MZT2A: variants seen among roughly 807,000 people sequenced by gnomAD.
MZT2A encodes mitotic spindle organizing protein 2A, also known as mitotic-spindle organizing protein 2A.
MZT2A carries 8 observed loss-of-function variants against 12.4 expected under a neutral mutation model. The ratio of observed to expected loss-of-function variants is 0.64; its 90% confidence interval spans 0.38 to 1.16. The LOEUF (loss-of-function observed/expected upper bound fraction) is 1.16, where lower values mean the gene tolerates loss of function less well. Ranked by LOEUF, MZT2A falls within the 50% of genes most tolerant of loss-of-function variation. The probability of loss-of-function intolerance (pLI) is 0.01; values close to 1 mark genes in which losing one functional copy is unlikely to be tolerated. For synonymous variants in MZT2A, 88 were observed against 107.5 expected (o/e 0.82, Z 1.12); for missense variants, 181 against 223.6 (o/e 0.81, Z 1.22).
intron 2 of MZT2A, among the ~76,000 whole-genome samples, chr2:131,477,894 C>A (rs2621998): frequency 5.9e-5 from 9 of 152,300 alleles, no homozygotes; most frequent in African/African-American, 2.2e-4. Flanking sequence ...ATTGACATTA[C>A]ATGGCTTCCA....
chr2:131,476,176 T>C (rs560677143), intron 2 of MZT2A: 2 of 1,613,892 alleles, frequency 1.2e-6, no homozygotes, highest in African/African-American at 2.7e-5. Context: ...GCAGTAGCGT[T>C]GGGCTGAAGC....
chr2:131,485,166 T>C (rs879288186), intron 2 of MZT2A, among the ~76,000 whole-genome samples: 21 of 152,176 alleles, frequency 1.4e-4, no homozygotes, highest in Admixed American at 5.2e-4. Flanking sequence ...CCGTGGGCTC[T>C]AAACAGGGCG....
At chr2:131,490,107 C>T (rs1425087933) in intron 2 of MZT2A, 4 of 728,522 alleles carry the variant, frequency 5.5e-6, no homozygotes, top group Non-Finnish European at 6.7e-6. Flanking sequence ...AGTGAGGTGG[C>T]CGCTGTCAGG....
At position 131,484,030 on chromosome 2, in the gene MZT2A, G is replaced by C. The variant is rs1263720230; in HGVS notation, c.*31C>G. On this transcript the variant is annotated 3_prime_UTR_variant, in exon 3 of 3. Transcript: ENST00000309451. ...GGAGGTAACATGTAGCCTTTGCTGG[G>C]GACAAAGATGTGACAAGTCTCTGCC... The C allele has an allele frequency of 6.3e-7, 1 of 1,581,772 alleles. No individual in the cohort carries two copies. The highest frequency in any genetic ancestry group is 8.6e-7 in the Non-Finnish European group (1 of 1,158,544).
intron 2 of MZT2A, among the ~76,000 whole-genome samples, chr2:131,487,186 A>G (rs1259962233): frequency 6.6e-6 from 1 of 152,150 alleles, no homozygotes; most frequent in African/African-American, 2.4e-5. Context: ...AATGTTAAAA[A>G]CAGCCTGGCT....
upstream of MZT2A, chr2:131,493,076 GT>G: frequency 2.0e-6 from 3 of 1,495,784 alleles, no homozygotes; most frequent in Non-Finnish European, 2.7e-6. Flanking sequence ...TGATGACGAC[GT>G]TTTGGCGCGG....
At position 131,491,952 on chromosome 2, in the gene MZT2A, G is replaced by C; in HGVS notation, c.243C>G (p.Ala81=). The C allele has an allele frequency of 1.9e-6, 3 of 1,543,542 alleles. No homozygotes were observed. Among genetic ancestry groups the C allele is most frequent in the Non-Finnish European group, 2.6e-6 (3 of 1,142,304 alleles). The change falls in exon 2 of 3, where the codon GCC becomes GCG. Residue 81 remains alanine, a synonymous_variant. Coordinates refer to ENST00000309451, the MANE Select transcript of MZT2A (RefSeq NM_001085365.2). Reference sequence around the variant, plus strand: ...GGGGCTCGCTCGCTAGCCTCTGCCCGGCACACATGGACTTGAGCATCTGGA... The same window carrying C: ...GGGGCTCGCTCGCTAGCCTCTGCCCCGCACACATGGACTTGAGCATCTGGA... The part of the protein sequence containing the change: ...AVFQMLKSMC[A]GQRLASEPQD...
chr2:131,493,339 C>A (rs2104747037), upstream of MZT2A, among the ~76,000 whole-genome samples: 1 of 152,336 alleles, frequency 6.6e-6, no homozygotes, highest in South Asian at 2.1e-4. Flanking sequence ...CTTTGTGCCA[C>A]CTTCCCGCGC....
rs769863769 is a variant in MZT2A at position 131,476,227 on chromosome 2, C to T, written c.279-4045G>A. On this transcript the variant is annotated intron_variant and NMD_transcript_variant, in intron 2 of 4. Transcript: ENST00000427024. The stretch of plus-strand genomic sequence containing the variant: ...GGTAAGGCCCGGGTCACTCCCGCCC[C>T]GCAGATGCCCAGGCAGACGAAGTTG... 10 of 1,613,780 alleles carry T rather than the reference C, an allele frequency of 6.2e-6. No homozygotes were observed. In the East Asian group the frequency reaches 2.0e-4, roughly 32 times the overall value.
chr2:131,474,454 G>T (rs1391828934), intron 2 of MZT2A, among the ~76,000 whole-genome samples: 1 of 134,334 alleles, frequency 7.4e-6, no homozygotes, highest in Non-Finnish European at 1.5e-5. Context: ...CTATTGCCCA[G>T]GCTGGAGTGC....
chr2:131,472,975 G>A (rs1274549046), intron 2 of MZT2A, among the ~76,000 whole-genome samples: 1 of 151,726 alleles, frequency 6.6e-6, no homozygotes, highest in Non-Finnish European at 1.5e-5. Context: ...TTGGGGACAG[G>A]GCCTATAAGG....
intron 2 of MZT2A, 108 bp from the exon 3 acceptor site, chr2:131,484,326 A>C: frequency 6.6e-7 from 1 of 1,506,366 alleles, no homozygotes; most frequent in Non-Finnish European, 8.9e-7. Context: ...ATTTCCATCA[A>C]AGTCGCTTCA....
chr2:131,493,030 C>G (rs912739527), upstream of MZT2A: 2 of 1,484,632 alleles, frequency 1.3e-6, no homozygotes, highest in Non-Finnish European at 1.8e-6. Context: ...AAGCGCTTTT[C>G]CCGCCCGGCC....
At chr2:131,480,656 G>T (rs751673890), downstream of MZT2A, 1 of 1,613,812 alleles carries the variant, frequency 6.2e-7, no homozygotes, top group African/African-American at 1.3e-5. Flanking sequence ...TGTACAGGGG[G>T]GACGTGGTCC....
downstream of MZT2A, chr2:131,480,687 A>G (rs2104725925): frequency 6.2e-7 from 1 of 1,613,740 alleles, no homozygotes; most frequent in Non-Finnish European, 8.5e-7. Flanking sequence ...CAACGCGGCC[A>G]TCGCCACCAT....
intron 2 of MZT2A, among the ~76,000 whole-genome samples, chr2:131,488,787 C>A (rs2104738353): frequency 6.6e-6 from 1 of 152,268 alleles, no homozygotes; most frequent in East Asian, 1.9e-4. Flanking sequence ...TCGTGGCTTT[C>A]TGCCACCCAG....
rs73962005 is a variant in MZT2A at position 131,485,342 on chromosome 2, C to T, written c.320-1124G>A. On this transcript the variant is annotated intron_variant, in intron 2 of 2. Coordinates refer to ENST00000309451, the MANE Select transcript of MZT2A (RefSeq NM_001085365.2). ...TTGCATGTTCCCAGACACTGATACA[C>T]GTTTAGGTTGTTGCCTGGAACACTG... Among the ~76,000 whole-genome samples the T allele has an allele frequency of 7.6e-3, 1,164 of 152,262 alleles. 23 individuals are homozygous for T. Among genetic ancestry groups the T allele is most frequent in the African/African-American group, 0.024 (1,011 of 41,530 alleles).
At chr2:131,488,557 C>G (rs1477583861) in intron 2 of MZT2A, among the ~76,000 whole-genome samples, 1 of 151,588 alleles carries the variant, frequency 6.6e-6, no homozygotes, top group Non-Finnish European at 1.5e-5. Flanking sequence ...CGACAACCCC[C>G]CTGCCATATG....
chr2:131,487,204 G>A (rs564729359), intron 2 of MZT2A, among the ~76,000 whole-genome samples: 1 of 152,294 alleles, frequency 6.6e-6, no homozygotes, highest in East Asian at 1.9e-4. Context: ...GCTCAGCAGG[G>A]GTCAGTGGCT....
Sources: allele counts gnomAD v4.1 joint callset (sites outside exome capture counted in the v4.1 genomes callset), GRCh38; gene constraint gnomAD v4.1.1; transcripts MANE v1.5; gene names NCBI Gene and HGNC (gene_info 2026-07-23, HGNC 2026-07-21).